Variants in MARCHF1 observed in about 807,000 individuals in gnomAD.
The protein encoded by MARCHF1 is E3 ubiquitin-protein ligase MARCHF1.
Under a neutral mutation model 54.2 loss-of-function variants are expected in MARCHF1, and 40 were observed. The observed-to-expected ratio is 0.74, with a 90% CI of 0.57 to 0.96. The LOEUF (loss-of-function observed/expected upper bound fraction) is 0.96, where lower values mean the gene tolerates loss of function less well. MARCHF1 is among the 40% of genes least tolerant of loss of function. The probability of loss-of-function intolerance (pLI) is 0.00; values close to 1 mark genes in which losing one functional copy is unlikely to be tolerated. For synonymous variants in MARCHF1, 236 were observed against 236.3 expected, an observed-to-expected ratio of 1.00 and a Z score of 0.01; for missense variants, 586 against 656.5, an observed-to-expected ratio of 0.89 and a Z score of 1.17.
intron 1 of MARCHF1, among the ~76,000 whole-genome samples, chr4:164,278,296 T>A (rs1733937662): frequency 6.6e-6 from 1 of 152,040 alleles, no homozygotes. Flanking sequence ...GGTAATAGAG[T>A]AAGACCCTGT....
chr4:164,373,802 A>G (rs1731107620), intron 1 of MARCHF1, among the ~76,000 whole-genome samples: 2 of 152,232 alleles, frequency 1.3e-5, no homozygotes, highest in Admixed American at 1.3e-4. Flanking sequence ...CTCACTGCTA[A>G]GTGAATAGGA....
At chr4:163,646,627 C>T (rs1302688415) in intron 5 of MARCHF1, among the ~76,000 whole-genome samples, 1 of 151,868 alleles carries the variant, frequency 6.6e-6, no homozygotes, top group Non-Finnish European at 1.5e-5. Context: ...ATATCAAAAA[C>T]CATAAAATAT....
intron 1 of MARCHF1, among the ~76,000 whole-genome samples, chr4:164,332,067 C>G (rs1735446852): frequency 1.3e-5 from 2 of 152,142 alleles, no homozygotes; most frequent in Admixed American, 6.6e-5. Context: ...TACAACTTAG[C>G]CTTTCTCTTA....
chr4:163,653,851 G>C (rs1420408348), intron 5 of MARCHF1, among the ~76,000 whole-genome samples: 1 of 149,108 alleles, frequency 6.7e-6, no homozygotes, highest in Non-Finnish European at 1.5e-5. Context: ...GGTATGTGTA[G>C]TTGGATATAT....
intron 2 of MARCHF1, among the ~76,000 whole-genome samples, chr4:163,993,303 G>T (rs1269994149): frequency 6.6e-6 from 1 of 152,062 alleles, no homozygotes; most frequent in Non-Finnish European, 1.5e-5. Flanking sequence ...GGTTTTGTCT[G>T]ATTATTGGAA....
intron 3 of MARCHF1, among the ~76,000 whole-genome samples, chr4:163,900,616 C>T (rs1750919162): frequency 6.6e-6 from 1 of 152,112 alleles, no homozygotes; most frequent in Admixed American, 6.6e-5. Flanking sequence ...CCATGATTAT[C>T]TGTTTCTTAT....
At chr4:164,134,282 A>G (rs2110829780) in intron 1 of MARCHF1, among the ~76,000 whole-genome samples, 1 of 152,328 alleles carries the variant, frequency 6.6e-6, no homozygotes, top group East Asian at 1.9e-4. Context: ...CAGTGTTTCT[A>G]CAATCCCAAG....
chr4:163,703,370 A>G (rs1744863004), intron 4 of MARCHF1, among the ~76,000 whole-genome samples: 1 of 152,174 alleles, frequency 6.6e-6, no homozygotes, highest in Non-Finnish European at 1.5e-5. Context: ...CTTTTGAAGC[A>G]AAGCACCAGA....
intron 1 of MARCHF1, among the ~76,000 whole-genome samples, chr4:164,376,954 A>G (rs1033212529): frequency 1.3e-5 from 2 of 152,140 alleles, no homozygotes; most frequent in African/African-American, 2.4e-5. Flanking sequence ...GTCAGCCCCA[A>G]TGAGCCTCAA....
At chr4:164,015,637 TA>T (rs977199434) in intron 2 of MARCHF1, among the ~76,000 whole-genome samples, 74 of 151,334 alleles carry the variant, frequency 4.9e-4, no homozygotes, top group African/African-American at 1.6e-3. Context: ...TAATCTTACT[TA>T]AAAATGGACA....
At chr4:163,685,152 A>T (rs1744226698) in intron 5 of MARCHF1, among the ~76,000 whole-genome samples, 1 of 152,174 alleles carries the variant, frequency 6.6e-6, no homozygotes, top group Non-Finnish European at 1.5e-5. Context: ...AACTCCCTTC[A>T]TTAAAAATCG....
chr4:163,776,565 T>C (rs1171047958), intron 4 of MARCHF1, among the ~76,000 whole-genome samples: 4 of 152,136 alleles, frequency 2.6e-5, no homozygotes, highest in African/African-American at 4.8e-5. Flanking sequence ...TTTGGTAATA[T>C]ACTTGGTTGG....
intron 1 of MARCHF1, among the ~76,000 whole-genome samples, chr4:164,191,705 G>A (rs1731128353): frequency 6.6e-6 from 1 of 152,050 alleles, no homozygotes. Flanking sequence ...CGAGGCAAAT[G>A]GATTGTTGGA....
In MARCHF1 at chr4:163,545,726, C is replaced by A. The variant is rs749804634; in HGVS notation, c.1209G>T (p.Met403Ile). The part of the protein sequence containing the change: ...KPLRKWEKLQ[M>I]TTSERRKIFC... ...ATATTTTCCTCCTTTCACTTGTGGT[C>A]ATCTGTAGTTTCTCCCACTGCAATC... is the stretch of plus-strand genomic sequence containing the variant. The change falls in exon 9 of 10, where the codon ATG (methionine) becomes ATT (isoleucine). Residue 403 changes from methionine (M) to isoleucine (I), a missense_variant. Met to Ile is a conservative substitution (Grantham distance 10). Around this residue, in one of 3 missense-constraint regions of MARCHF1, gnomAD observed 93 missense variants for 168.2 expected, o/e 0.55. Coordinates refer to ENST00000514618, the MANE Select transcript of MARCHF1 (RefSeq NM_001394959.1). 3.7e-6 allele frequency: 6 copies of A among 1,613,706 alleles called. No homozygotes were observed. In the South Asian group the frequency reaches 4.4e-5, roughly 12 times the overall value.
intron 3 of MARCHF1, among the ~76,000 whole-genome samples, chr4:163,877,906 T>A (rs922504334): frequency 2.4e-4 from 36 of 152,176 alleles, no homozygotes; most frequent in African/African-American, 8.7e-4. Flanking sequence ...TCTCTTCCCA[T>A]GGCCTTTATG....
intron 3 of MARCHF1, among the ~76,000 whole-genome samples, chr4:163,916,382 C>T (rs1302006095): frequency 3.7e-5 from 4 of 107,876 alleles, no homozygotes; most frequent in African/African-American, 1.9e-4. Flanking sequence ...CACTCTAGTA[C>T]AGTAGAAGTC....
intron 8 of MARCHF1, among the ~76,000 whole-genome samples, chr4:163,549,685 T>G (rs1739035165): frequency 6.6e-6 from 1 of 151,714 alleles, no homozygotes; most frequent in Non-Finnish European, 1.5e-5. Context: ...TTTTGATTTT[T>G]TTTTTTTTTT....
intron 1 of MARCHF1, among the ~76,000 whole-genome samples, chr4:164,236,322 C>T (rs1732551842): frequency 6.6e-6 from 1 of 152,074 alleles, no homozygotes; most frequent in Admixed American, 6.6e-5. Context: ...TTGAAACACA[C>T]CTTATTTAAA....
At chr4:164,066,901 G>C (rs1055484488) in intron 2 of MARCHF1, among the ~76,000 whole-genome samples, 6 of 151,990 alleles carry the variant, frequency 3.9e-5, no homozygotes, top group Non-Finnish European at 5.9e-5. Flanking sequence ...AGAGGATCAG[G>C]AAAAACAACT....
Sources: allele counts gnomAD v4.1 joint callset (sites outside exome capture counted in the v4.1 genomes callset), GRCh38; gene constraint gnomAD v4.1.1; regional missense constraint gnomAD v4.1.1; transcripts MANE v1.5; gene names NCBI Gene and HGNC (gene_info 2026-07-23, HGNC 2026-07-21).